ENOSF1: variants seen among roughly 807,000 people sequenced by gnomAD.
ENOSF1 encodes enolase superfamily member 1.
Under a neutral mutation model 68.2 loss-of-function variants are expected in ENOSF1, and 73 were observed. That is an observed-to-expected ratio of 1.07 (90% CI 0.89 to 1.30). The LOEUF (loss-of-function observed/expected upper bound fraction) is 1.30. Among genes scored for constraint, ENOSF1 ranks in the 50% most tolerant of loss-of-function variants. The pLI is 0.00. For synonymous variants in ENOSF1, 223 were observed against 210.4 expected (o/e 1.06, Z -0.52); for missense variants, 589 against 554.5 (o/e 1.06, Z -0.62).
At chr18:664,686 T>C in the ENOSF1 span, among the ~76,000 whole-genome samples, 85 of 149,438 alleles carry the variant, frequency 5.7e-4, no homozygotes, top group Non-Finnish European at 9.8e-4. Flanking sequence ...TTTTGAAATA[T>C]GTCCCATCAA....
Position 672,432 on chromosome 18 carries a change from AATCCTGGCTTTC to A in ENOSF1, c.*1861_*1872del, listed in dbSNP as rs2075105248. 6.5e-6 allele frequency: 1 copy of A among 154,826 alleles called. No homozygotes were observed. The highest frequency in any genetic ancestry group is 2.4e-5 in the African/African-American group (1 of 41,480). 9.6% of individuals were successfully genotyped at this position (154,826 alleles called of 1,614,324 possible). On this transcript the variant is annotated 3_prime_UTR_variant, in exon 16 of 16. Coordinates refer to ENST00000647584, the MANE Select transcript of ENOSF1 (RefSeq NM_017512.7). Reference sequence around the variant, plus strand: ...ATTGCCACTGTCTGTTCATCCCAGGAATCCTGGCTTTCATCCCTTTCTGTTCACTGTCCATGC... The same window carrying A: ...ATTGCCACTGTCTGTTCATCCCAGGAATCCCTTTCTGTTCACTGTCCATGC...
chr18:707,650 A>G (rs2079074994), intron 1 of ENOSF1: 2 of 152,228 alleles, frequency 1.3e-5, no homozygotes, highest in African/African-American at 4.8e-5. Flanking sequence ...AGAATTGTGC[A>G]TAAGGCTATG....
chr18:675,217 A>G (rs1367232769), intron 15 of ENOSF1, 104 bp downstream of exon 15: 2 of 873,114 alleles, frequency 2.3e-6, no homozygotes, highest in African/African-American at 3.3e-5. Flanking sequence ...GATATTGCAA[A>G]CAAACAGGAG....
In ENOSF1 at chr18:712,340, G is replaced by A. The variant is rs1390260514; in HGVS notation, c.84+164C>T. 7 of 1,534,652 alleles carry A rather than the reference G, an allele frequency of 4.6e-6. No individual in the cohort carries two copies. The Admixed American group carries it at 5.9e-5, about 13-fold the overall frequency. On this transcript the variant is annotated intron_variant, in intron 1 of 15. Coordinates refer to ENST00000647584, the MANE Select transcript of ENOSF1 (RefSeq NM_017512.7). ...GCAGTCGGCGGGGCGGGAGGGACCC[G>A]GGCCGCAAGCCGCGCGTACCATGGC...
chr18:664,312 T>C, the ENOSF1 span, among the ~76,000 whole-genome samples: 2,316 of 150,490 alleles, frequency 0.015, 151 homozygotes, highest in East Asian at 0.23. Context: ...GATTTGGCTC[T>C]CTGTTTGTCT....
Position 671,757 on chromosome 18 carries a change from G to T in ENOSF1, c.*2548C>A. 2.8e-6 allele frequency: 1 copy of T among 356,038 alleles called. No homozygotes were observed. 22.1% of individuals were successfully genotyped at this position (356,038 alleles called of 1,614,324 possible). A position where few individuals can be genotyped will look rare whatever the true frequency, so the allele number is the denominator to read the frequency against. ...TTTTAACTCATTTTAACTTGAAGGA[G>T]AATTGAAGTGCAAATGTTTTTCCTT... On this transcript the variant is annotated 3_prime_UTR_variant, in exon 16 of 16. Coordinates refer to ENST00000647584, the MANE Select transcript of ENOSF1 (RefSeq NM_017512.7).
At chr18:683,206 G>T in intron 11 of ENOSF1, 40 bp downstream of exon 11, 1 of 1,611,256 alleles carries the variant, frequency 6.2e-7, no homozygotes, top group South Asian at 1.1e-5. Context: ...AAACTAAACA[G>T]AAAAATAAGC....
chr18:691,902 C>T (rs563141605), intron 5 of ENOSF1: 22 of 151,474 alleles, frequency 1.5e-4, no homozygotes, highest in African/African-American at 3.2e-4. Context: ...GGGAGATGAA[C>T]GCCTGGCATC....
At chr18:696,243 A>G (rs1338146210) in intron 3 of ENOSF1, among the ~76,000 whole-genome samples, 1 of 115,920 alleles carries the variant, frequency 8.6e-6, no homozygotes, top group Admixed American at 1.2e-4. Flanking sequence ...ACAGAGTCTC[A>G]CTCTGTTGCC....
downstream of ENOSF1, among the ~76,000 whole-genome samples, chr18:669,721 A>G (rs2074948820): frequency 1.3e-5 from 2 of 152,048 alleles, no homozygotes; most frequent in African/African-American, 4.8e-5. Flanking sequence ...AGATGTTAAC[A>G]TTTTAAATGG....
At chr18:706,381 A>T in intron 2 of ENOSF1, 89 bp downstream of exon 2, 1 of 904,270 alleles carries the variant, frequency 1.1e-6, no homozygotes, top group South Asian at 1.4e-5. Flanking sequence ...ACTCAATCTA[A>T]ATCAAGATTC....
In ENOSF1 at chr18:670,491, A is replaced by G. The variant is rs2074989654; in HGVS notation, c.*3814T>C. On this transcript the variant is annotated 3_prime_UTR_variant, in exon 16 of 16. Transcript: ENST00000647584. ...TTCAGCCGTAAATGGACACCTGCAG[A>G]AACCTTGCACCGATGGATAGTCTCC... 5.2e-6 allele frequency: 3 copies of G among 574,878 alleles called. No homozygotes were observed. Among genetic ancestry groups the G allele is most frequent in the African/African-American group, 1.9e-5 (1 of 53,370 alleles). 35.6% of individuals were successfully genotyped at this position (574,878 alleles called of 1,614,324 possible). A position where few individuals can be genotyped will look rare whatever the true frequency, so the allele number is the denominator to read the frequency against.
intron 2 of ENOSF1, among the ~76,000 whole-genome samples, chr18:704,827 A>C (rs933114240): frequency 1.1e-4 from 17 of 152,102 alleles, no homozygotes; most frequent in Admixed American, 2.0e-4. Context: ...GCTGGTCTTG[A>C]ACTGCTTGAC....
At chr18:663,996 G>T in the ENOSF1 span, among the ~76,000 whole-genome samples, 1 of 99,386 alleles carries the variant, frequency 1.0e-5, no homozygotes. Flanking sequence ...ACTTGGCGAT[G>T]TGGGCTCTTT....
At chr18:707,261 G>C (rs1420959881) in intron 1 of ENOSF1, among the ~76,000 whole-genome samples, 3 of 152,186 alleles carry the variant, frequency 2.0e-5, no homozygotes, top group Admixed American at 6.5e-5. Context: ...CAGAGCTCTA[G>C]TGATCCACCC....
chr18:694,140 T>C, intron 4 of ENOSF1, 108 bp downstream of exon 4: 7 of 1,209,018 alleles, frequency 5.8e-6, no homozygotes, highest in South Asian at 1.4e-5. Flanking sequence ...AGCAATTATC[T>C]GTATTTCCTT....
rs750069153 is a variant in ENOSF1 at position 690,628 on chromosome 18, T to C, written c.539A>G (p.Lys180Arg). 2 of 1,613,016 alleles carry C rather than the reference T, an allele frequency of 1.2e-6. No individual in the cohort carries two copies. Among genetic ancestry groups the C allele is most frequent in the Admixed American group, 1.7e-5 (1 of 59,994 alleles). The change falls in exon 8 of 16, where the codon AAG becomes AGG. Residue 180 changes from lysine (K) to arginine (R), a missense_variant. By Grantham distance (26) the Lys-to-Arg change is conservative. Coordinates refer to ENST00000647584, the MANE Select transcript of ENOSF1 (RefSeq NM_017512.7). Reference sequence around the variant, plus strand: ...AGGGTATCCTTGTGCCAGCATTTGCTTCTCTGTGAAAACACAGCGCCGTCA... The same window carrying C: ...AGGGTATCCTTGTGCCAGCATTTGCCTCTCTGTGAAAACACAGCGCCGTCA... The part of the protein sequence containing the change: ...KGQIGKKERE[K>R]QMLAQGYPAY...
chr18:696,373 G>T (rs905522694), intron 3 of ENOSF1, among the ~76,000 whole-genome samples: 1 of 151,740 alleles, frequency 6.6e-6, no homozygotes, highest in Non-Finnish European at 1.5e-5. Context: ...CACCATGCCC[G>T]GCTAATTTTT....
chr18:709,433 A>C (rs928451178), intron 1 of ENOSF1, among the ~76,000 whole-genome samples: 1 of 152,216 alleles, frequency 6.6e-6, no homozygotes, highest in African/African-American at 2.4e-5. Flanking sequence ...AGAAATAACA[A>C]GGGCAATTCA....
Sources: allele counts gnomAD v4.1 joint callset (sites outside exome capture counted in the v4.1 genomes callset), GRCh38; gene constraint gnomAD v4.1.1; transcripts MANE v1.5; gene names NCBI Gene and HGNC (gene_info 2026-07-23, HGNC 2026-07-21).